Variants in CEP112 observed in about 807,000 individuals in gnomAD.
CEP112 encodes the protein centrosomal protein 112.
Under a neutral mutation model 153.0 loss-of-function variants are expected in CEP112, and 127 were observed. The observed-to-expected ratio is 0.83, with a 90% CI of 0.72 to 0.96. The LOEUF (loss-of-function observed/expected upper bound fraction) is 0.96, where lower values mean the gene tolerates loss of function less well. Among genes scored for constraint, CEP112 ranks in the 40% least tolerant of loss-of-function variants. CEP112 has a pLI of 0.00. For missense variants in CEP112, 1,089 were observed against 1,101.2 expected (o/e 0.99, Z 0.16); for synonymous variants, 358 against 374.4 (o/e 0.96, Z 0.51).
intron 12 of CEP112, among the ~76,000 whole-genome samples, chr17:66,047,832 A>G (rs1267298231): frequency 6.6e-6 from 1 of 152,206 alleles, no homozygotes; most frequent in African/African-American, 2.4e-5. Context: ...TTTCTTTATT[A>G]ACTTGGTAAA....
chr17:65,956,727 A>T (rs1038402629), intron 18 of CEP112, among the ~76,000 whole-genome samples: 15 of 152,148 alleles, frequency 9.9e-5, no homozygotes, highest in East Asian at 5.8e-4. Flanking sequence ...TCACCACTAA[A>T]GAAATTATTC....
intron 21 of CEP112, among the ~76,000 whole-genome samples, chr17:65,833,211 A>C (rs1290081163): frequency 6.6e-6 from 1 of 152,152 alleles, no homozygotes; most frequent in Admixed American, 6.5e-5. Context: ...CATACCTCAA[A>C]ATAATAAGAG....
intron 18 of CEP112, among the ~76,000 whole-genome samples, chr17:65,932,570 CT>C (rs1216987267): frequency 1.3e-5 from 2 of 152,122 alleles, no homozygotes; most frequent in African/African-American, 4.8e-5. Context: ...GTTCAACAGG[CT>C]GTACAGGAAG....
Position 65,862,086 on chromosome 17 carries a change from TACCTACA to T in CEP112, c.2164-10059_2164-10053del, listed in dbSNP as rs567814569. Among the ~76,000 whole-genome samples the T allele has an allele frequency of 2.9e-3, 442 of 152,286 alleles. 1 individual carries two copies. The highest frequency in any genetic ancestry group is 0.01 in the African/African-American group (416 of 41,548). ...ACTGAATGAAAAATGCAAATCAGAT[TACCTACA>T]ACATGCAACCATTTTTACAAAGTTC... On this transcript the variant is annotated intron_variant, in intron 20 of 26. Coordinates refer to ENST00000535342, the MANE Select transcript of CEP112 (RefSeq NM_001199165.4).
intron 21 of CEP112, among the ~76,000 whole-genome samples, chr17:65,792,763 A>T (rs1214516116): frequency 6.6e-6 from 1 of 152,190 alleles, no homozygotes; most frequent in Non-Finnish European, 1.5e-5. Context: ...TGAAAAAAGG[A>T]ATAGAAGCTA....
chr17:66,170,573 T>C (rs921093053), intron 4 of CEP112, among the ~76,000 whole-genome samples: 1 of 152,110 alleles, frequency 6.6e-6, no homozygotes, highest in African/African-American at 2.4e-5. Flanking sequence ...GAGACCAGCC[T>C]GGCCAACATG....
chr17:65,741,540 T>A (rs1398731716), intron 23 of CEP112, among the ~76,000 whole-genome samples: 4 of 149,594 alleles, frequency 2.7e-5, no homozygotes, highest in African/African-American at 9.7e-5. Context: ...AATTTAAAAA[T>A]TAAATAATTA....
chr17:65,747,896 T>C (rs527816785), intron 22 of CEP112, among the ~76,000 whole-genome samples: 10 of 152,346 alleles, frequency 6.6e-5, no homozygotes, highest in Non-Finnish European at 1.2e-4. Flanking sequence ...TTTAATCTTA[T>C]GCTCTCTGAG....
At chr17:65,835,305 T>G (rs2057260569) in intron 21 of CEP112, among the ~76,000 whole-genome samples, 2 of 151,502 alleles carry the variant, frequency 1.3e-5, no homozygotes, top group African/African-American at 4.9e-5. Flanking sequence ...AAAAAATGAC[T>G]GAAAATTTCT....
chr17:66,181,731 T>C (rs2072731149), intron 2 of CEP112, among the ~76,000 whole-genome samples: 1 of 152,150 alleles, frequency 6.6e-6, no homozygotes. Flanking sequence ...GAAATTTTAA[T>C]ACAAATGTTT....
At chr17:66,122,735 C>T (rs970285203) in intron 6 of CEP112, among the ~76,000 whole-genome samples, 1 of 152,174 alleles carries the variant, frequency 6.6e-6, no homozygotes, top group Non-Finnish European at 1.5e-5. Flanking sequence ...ATAAATTGCT[C>T]CATAGGCTGA....
At chr17:65,667,586 A>C (rs944727920) in intron 24 of CEP112, among the ~76,000 whole-genome samples, 1 of 143,858 alleles carries the variant, frequency 7.0e-6, no homozygotes, top group Non-Finnish European at 1.5e-5. Flanking sequence ...CACACACACA[A>C]AACCTATCGA....
chr17:65,755,930 G>C (rs2052230471), intron 21 of CEP112, among the ~76,000 whole-genome samples: 1 of 152,170 alleles, frequency 6.6e-6, no homozygotes, highest in South Asian at 2.1e-4. Context: ...GAAGTCATCA[G>C]TTTATATAGG....
intron 16 of CEP112, 67 bp downstream of exon 16, chr17:66,027,434 A>T: frequency 8.0e-7 from 1 of 1,255,396 alleles, no homozygotes; most frequent in Non-Finnish European, 1.0e-6. Flanking sequence ...GGTTTCATAA[A>T]AATCAGTCTG....
At chr17:65,898,900 A>C (rs1298673038) in intron 20 of CEP112, among the ~76,000 whole-genome samples, 1 of 152,170 alleles carries the variant, frequency 6.6e-6, no homozygotes, top group African/African-American at 2.4e-5. Context: ...TCACTGTGGC[A>C]ACAAACGTAA....
At chr17:65,781,278 TCA>T (rs1455430340) in intron 21 of CEP112, among the ~76,000 whole-genome samples, 1 of 151,788 alleles carries the variant, frequency 6.6e-6, no homozygotes, top group Admixed American at 6.6e-5. Flanking sequence ...AGCTACATAC[TCA>T]CAAAAATAGG....
At chr17:65,924,969 T>A (rs989120681) in intron 19 of CEP112, among the ~76,000 whole-genome samples, 2 of 152,088 alleles carry the variant, frequency 1.3e-5, no homozygotes, top group African/African-American at 4.8e-5. Flanking sequence ...AGCCCCTCCA[T>A]CCCTTTCTTC....
intron 16 of CEP112, among the ~76,000 whole-genome samples, chr17:66,013,098 C>T (rs1435846209): frequency 6.8e-6 from 1 of 146,250 alleles, no homozygotes; most frequent in Non-Finnish European, 1.5e-5. Flanking sequence ...GTTAAAATGG[C>T]ATTTTCATAT....
At chr17:65,886,600 A>C (rs2059286470) in intron 20 of CEP112, among the ~76,000 whole-genome samples, 1 of 152,220 alleles carries the variant, frequency 6.6e-6, no homozygotes, top group South Asian at 2.1e-4. Context: ...GGACTGGCCC[A>C]ATTCGGAATT....
Sources: gnomAD v4.1 joint callset for allele counts (sites outside exome capture counted in the v4.1 genomes callset) on GRCh38, gnomAD v4.1.1 for gene constraint, MANE v1.5 for transcripts, NCBI Gene and HGNC (gene_info 2026-07-23, HGNC 2026-07-21) for gene names.